Variants in ZMYM1 observed in about 807,000 individuals in gnomAD.
The protein encoded by ZMYM1 is zinc finger MYM-type containing 1, also known as zinc finger MYM-type protein 1.
Under a neutral mutation model 60.0 loss-of-function variants are expected in ZMYM1, and 39 were observed. The observed-to-expected ratio is 0.65, with a 90% CI of 0.50 to 0.85. The LOEUF is 0.85. ZMYM1 is among the 40% of genes least tolerant of loss of function. The probability of loss-of-function intolerance (pLI) is 0.00; values close to 1 mark genes in which losing one functional copy is unlikely to be tolerated. For synonymous variants in ZMYM1, 413 were observed against 454.0 expected (o/e 0.91, Z 1.15); for missense variants, 1,171 against 1,309.5 (o/e 0.89, Z 1.63).
intron 1 of ZMYM1, among the ~76,000 whole-genome samples, chr1:35,091,148 A>G (rs1373698712): frequency 6.6e-6 from 1 of 152,174 alleles, no homozygotes; most frequent in Non-Finnish European, 1.5e-5. Flanking sequence ...CTGAGGCAAG[A>G]GGATTGCTTG....
chr1:35,083,114 C>T (rs1381753515), intron 1 of ZMYM1, among the ~76,000 whole-genome samples: 1 of 151,676 alleles, frequency 6.6e-6, no homozygotes, highest in African/African-American at 2.4e-5. Flanking sequence ...TTCCCCAGCA[C>T]TTTAAAGATA....
At chr1:35,105,796 A>G (rs1643874827) in intron 6 of ZMYM1, among the ~76,000 whole-genome samples, 1 of 152,050 alleles carries the variant, frequency 6.6e-6, no homozygotes, top group South Asian at 2.1e-4. Flanking sequence ...TGTAGAGACA[A>G]GCTCTTACTA....
At position 35,114,774 on chromosome 1, in the gene ZMYM1, T is replaced by A. The variant is rs780790544; in HGVS notation, c.2944T>A (p.Cys982Ser). The A allele has an allele frequency of 6.3e-7, 1 of 1,598,956 alleles. No individual in the cohort carries two copies. The highest frequency in any genetic ancestry group is 2.2e-5 in the East Asian group (1 of 44,682). Residue 982 changes from cysteine (C) to serine (S), a missense_variant, in exon 10 of 10, where the codon TGT becomes AGT. Cys to Ser is a moderately radical substitution (Grantham distance 112). Coordinates refer to ENST00000359858, the MANE Select transcript of ZMYM1 (RefSeq NM_024772.5). ...LDTILQNLKL[C>S]FSEFDYCKIK... ...TACTATATTACAAAATTTAAAGTTA[T>A]GTTTTTCGGAGTTTGATTATTGCAA...
rs773980192 is a variant in ZMYM1, at chr1:35,114,022, CAGA to C, written c.2194_2196del (p.Glu732del). 3 of 1,606,022 alleles carry C rather than the reference CAGA, an allele frequency of 1.9e-6. No homozygotes were observed. The highest frequency in any genetic ancestry group is 2.5e-6 in the Non-Finnish European group (3 of 1,178,094). On this transcript the variant is annotated inframe_deletion, in exon 10 of 10. Transcript: ENST00000359858. ...AAGATAAAATTTAATAAAATAGCAG[CAGA>C]ATTCAAGAAAGAAGAACCAAGAGCT...
chr1:35,072,185 G>C (rs1287683652), intron 1 of ZMYM1, among the ~76,000 whole-genome samples: 1 of 152,134 alleles, frequency 6.6e-6, no homozygotes, highest in African/African-American at 2.4e-5. Context: ...GGTCCTGGAT[G>C]TGTTTATGTT....
intron 1 of ZMYM1, among the ~76,000 whole-genome samples, chr1:35,065,594 T>A (rs1452631832): frequency 6.6e-6 from 1 of 151,522 alleles, no homozygotes; most frequent in Non-Finnish European, 1.5e-5. Context: ...TTTATGGCAT[T>A]AATTCGTTAG....
intron 4 of ZMYM1, among the ~76,000 whole-genome samples, chr1:35,102,386 T>C (rs754059338): frequency 1.3e-5 from 2 of 152,228 alleles, no homozygotes; most frequent in Non-Finnish European, 2.9e-5. Context: ...AATATGCTAT[T>C]GTAGTTTGGA....
intron 1 of ZMYM1, among the ~76,000 whole-genome samples, chr1:35,089,845 A>T (rs941324751): frequency 7.5e-6 from 1 of 133,430 alleles, no homozygotes; most frequent in Non-Finnish European, 1.5e-5. Context: ...TCCCAGGTTC[A>T]CGCCATTCTC....
Position 35,064,300 on chromosome 1 carries a change from AAAAAAAAAAAAAAC to A in ZMYM1, c.-301+4382_-301+4395del, listed in dbSNP as rs1451921195. On this transcript the variant is annotated intron_variant, in intron 1 of 10. Transcript: ENST00000417119. ...ACGGTGAGATCCTGTCTCAAAAAAA[AAAAAAAAAAAAAAC>A]AAAAAACACTGAAAGGAGAAATAGA... Among the ~76,000 whole-genome samples the A allele has an allele frequency of 1.3e-3, 168 of 124,770 alleles. 1 individual carries two copies. Among genetic ancestry groups the A allele is most frequent in the African/African-American group, 8.2e-3 (166 of 20,210 alleles). 81.9% of individuals were successfully genotyped at this position (124,770 alleles called of 152,430 possible).
Position 35,104,290 on chromosome 1 carries a change from C to A in ZMYM1, c.420-5C>A. The A allele has an allele frequency of 6.4e-7, 1 of 1,565,916 alleles. No homozygotes were observed. ...TTTAATGATGTCCTTGTTATTTATT[C>A]TTAGAGACATTTTAAATCCAAAGGA... is the stretch of plus-strand genomic sequence containing the variant. On this transcript the variant is annotated splice_polypyrimidine_tract_variant and splice_region_variant and intron_variant, in intron 4 of 9. Coordinates refer to ENST00000359858, the MANE Select transcript of ZMYM1 (RefSeq NM_024772.5).
At chr1:35,085,338 C>T (rs909474689) in intron 1 of ZMYM1, among the ~76,000 whole-genome samples, 2 of 152,168 alleles carry the variant, frequency 1.3e-5, no homozygotes, top group African/African-American at 4.8e-5. Flanking sequence ...TGAGCCACCG[C>T]GCCCGGCCCC....
chr1:35,069,771 A>T (rs941055060), intron 1 of ZMYM1, among the ~76,000 whole-genome samples: 4 of 152,110 alleles, frequency 2.6e-5, no homozygotes, highest in Non-Finnish European at 5.9e-5. Flanking sequence ...GTATATGGTG[A>T]GAGGTAGGAG....
At position 35,113,799 on chromosome 1, in the gene ZMYM1, G is replaced by T; in HGVS notation, c.1969G>T (p.Glu657Ter). The T allele has an allele frequency of 1.2e-6, 2 of 1,613,788 alleles. No individual in the cohort carries two copies. The highest frequency in any genetic ancestry group is 1.7e-6 in the Non-Finnish European group (2 of 1,179,856). ...TGAGACAATCAATAGTGCCATGAAA[G>T]AACAGCTTTCAATTTGTGTAAGATA... Reference protein sequence around the residue: ...CDETINSAMKEQLSICVRYPQ... With the variant: ...CDETINSAMK The change falls in exon 10 of 10, where the codon GAA becomes TAA. Residue 657 changes from glutamate to a stop codon, truncating the protein, a stop_gained. Coordinates refer to ENST00000359858, the MANE Select transcript of ZMYM1 (RefSeq NM_024772.5). LOFTEE classifies it high-confidence loss of function.
chr1:35,086,069 G>T (rs945050062), intron 1 of ZMYM1, among the ~76,000 whole-genome samples: 2 of 152,102 alleles, frequency 1.3e-5, no homozygotes, highest in Admixed American at 6.6e-5. Flanking sequence ...TCAATTTTAT[G>T]TATTACGTTT....
intron 1 of ZMYM1, among the ~76,000 whole-genome samples, chr1:35,063,624 G>A (rs1641914621): frequency 6.6e-6 from 1 of 151,964 alleles, no homozygotes; most frequent in Admixed American, 6.6e-5. Flanking sequence ...TCTATCGTCC[G>A]GAACCCAAGA....
At chr1:35,081,265 T>C (rs1642373521) in intron 1 of ZMYM1, among the ~76,000 whole-genome samples, 1 of 152,204 alleles carries the variant, frequency 6.6e-6, no homozygotes. Context: ...AGTGGTATAA[T>C]GCGAAGAAAT....
chr1:35,073,765 C>T (rs1642116422), intron 1 of ZMYM1, among the ~76,000 whole-genome samples: 1 of 152,088 alleles, frequency 6.6e-6, no homozygotes, highest in African/African-American at 2.4e-5. Context: ...GAACTTCCCT[C>T]TTAAAACTGC....
intron 1 of ZMYM1, among the ~76,000 whole-genome samples, chr1:35,084,367 A>G (rs1442106484): frequency 6.6e-6 from 1 of 152,084 alleles, no homozygotes; most frequent in African/African-American, 2.4e-5. Context: ...TCCATAAATT[A>G]TTACTGGATT....
intron 1 of ZMYM1, among the ~76,000 whole-genome samples, chr1:35,088,452 ATATGTGTG>A (rs1261119608): frequency 7.9e-5 from 8 of 101,650 alleles, no homozygotes; most frequent in African/African-American, 3.4e-4. Context: ...ATATATATAT[ATATGTGTG>A]TGTGTGTGTG....
Sources: allele counts gnomAD v4.1 joint callset (sites outside exome capture counted in the v4.1 genomes callset), GRCh38; gene constraint gnomAD v4.1.1; transcripts MANE v1.5; gene names NCBI Gene and HGNC (gene_info 2026-07-23, HGNC 2026-07-21).